Variants in ADGRE2 observed in about 807,000 individuals in gnomAD.
ADGRE2 encodes the protein CD97 antigen.
A neutral mutation model predicts 100.8 loss-of-function variants in ADGRE2; 83 were observed. The observed-to-expected ratio is 0.82, with a 90% CI of 0.69 to 0.99. ADGRE2 has a LOEUF of 0.99. Ranked by LOEUF, ADGRE2 falls within the 50% of genes least tolerant of loss-of-function variation. The pLI is 0.00. For synonymous variants in ADGRE2, 355 were observed against 413.0 expected, an observed-to-expected ratio of 0.86 and a Z score of 1.70; for missense variants, 814 against 1,035.7, an observed-to-expected ratio of 0.79 and a Z score of 2.94.
intron 1 of ADGRE2, among the ~76,000 whole-genome samples, chr19:14,777,542 C>T (rs1426771111): frequency 1.1e-4 from 16 of 152,038 alleles, no homozygotes; most frequent in Non-Finnish European, 1.9e-4. Flanking sequence ...ATGTGCACAA[C>T]GAGCAGGTTT....
chr19:14,765,246 C>A (rs2043911040), intron 10 of ADGRE2, 74 bp downstream of exon 10: 1 of 1,557,298 alleles, frequency 6.4e-7, no homozygotes, highest in African/African-American at 1.4e-5. Context: ...CCTCCCAGAC[C>A]CAAACTGCCC....
intron 5 of ADGRE2, among the ~76,000 whole-genome samples, chr19:14,767,984 A>T (rs1413927826): frequency 6.6e-6 from 1 of 151,980 alleles, no homozygotes; most frequent in Non-Finnish European, 1.5e-5. Flanking sequence ...CTCAGTGAGA[A>T]CCCTCTGGTT....
At chr19:14,768,626 G>A (rs2044079573) in intron 5 of ADGRE2, among the ~76,000 whole-genome samples, 1 of 152,108 alleles carries the variant, frequency 6.6e-6, no homozygotes, top group Non-Finnish European at 1.5e-5. Context: ...CTTGCCATTG[G>A]GTCCACACTA....
rs753358915 is a variant in ADGRE2, at chr19:14,752,524, C to T, written c.1593G>A (p.Glu531=). 4.3e-6 allele frequency: 7 copies of T among 1,613,844 alleles called. No individual in the cohort carries two copies. The African/African-American group carries it at 5.3e-5, about 12-fold the overall frequency. The change falls in exon 15 of 21, where the codon GAG becomes GAA. Residue 531 remains glutamate, a splice_region_variant and synonymous_variant. Coordinates refer to ENST00000315576, the MANE Select transcript of ADGRE2 (RefSeq NM_013447.4). ...AVLMAHYDVQ[E]EDPVLTVITY... The stretch of plus-strand genomic sequence containing the variant: ...TGATGACAGTCAGCACGGGATCCTC[C>T]TCCTGGGACCCGGAAAAGAAGAGTT...
downstream of ADGRE2, among the ~76,000 whole-genome samples, chr19:14,729,218 G>A (rs750156732): frequency 9.9e-5 from 15 of 152,156 alleles, no homozygotes; most frequent in Non-Finnish European, 1.9e-4. Flanking sequence ...TACAGTCAGG[G>A]TTTCTCAACT....
downstream of ADGRE2, among the ~76,000 whole-genome samples, chr19:14,730,101 G>A (rs2042658237): frequency 6.6e-6 from 1 of 152,142 alleles, no homozygotes; most frequent in African/African-American, 2.4e-5. Context: ...CACCCAGGCT[G>A]GAGTACAATG....
intron 20 of ADGRE2, among the ~76,000 whole-genome samples, chr19:14,740,103 T>TTA (rs1555780657): frequency 0.022 from 1,690 of 75,772 alleles, 24 homozygotes; most frequent in East Asian, 0.11. Context: ...AGACTCTGTC[T>TTA]AAAAAAAAAA....
At chr19:14,769,419 C>T (rs1470042853) in intron 5 of ADGRE2, among the ~76,000 whole-genome samples, 1 of 152,022 alleles carries the variant, frequency 6.6e-6, no homozygotes, top group Admixed American at 6.6e-5. Flanking sequence ...GGGAGTGGCC[C>T]CAGGTCTCCT....
chr19:14,728,644 C>A (rs2042648674), downstream of ADGRE2, among the ~76,000 whole-genome samples: 1 of 152,146 alleles, frequency 6.6e-6, no homozygotes, highest in South Asian at 2.1e-4. Context: ...CCTATGACGA[C>A]AATGGAAAGG....
At position 14,766,314 on chromosome 19, in the gene ADGRE2, G is replaced by T. The variant is rs1568616384; in HGVS notation, c.555C>A (p.Gly185=). ...CCGGGCGGCAGCGGCACTGATAGCT[G>T]CCCACGTTGTTGAGGCAGTGGGTGG... ...HSSTHCLNNV[G]SYQCRCRPGW... is the part of the protein sequence containing the mutation. Residue 185 remains glycine, a synonymous_variant, in exon 7 of 21, where the codon GGC becomes GGA. Transcript: ENST00000315576. The T allele has an allele frequency of 8.7e-6, 14 of 1,614,110 alleles. No homozygotes were observed. The highest frequency in any genetic ancestry group is 1.2e-5 in the Non-Finnish European group (14 of 1,180,016).
chr19:14,744,817 A>C (rs2043037489), intron 18 of ADGRE2, among the ~76,000 whole-genome samples: 1 of 151,948 alleles, frequency 6.6e-6, no homozygotes, highest in African/African-American at 2.4e-5. Flanking sequence ...AGAAGTGATG[A>C]GGAGCCTGAA....
chr19:14,772,255 T>C (rs2044237598), intron 5 of ADGRE2, 87 bp downstream of exon 5: 5 of 1,570,266 alleles, frequency 3.2e-6, no homozygotes, highest in Non-Finnish European at 4.4e-6. Context: ...TATACTTGGG[T>C]ACCTGCTCCC....
At chr19:14,754,561 T>G (rs1192345135) in intron 14 of ADGRE2, among the ~76,000 whole-genome samples, 3 of 152,048 alleles carry the variant, frequency 2.0e-5, no homozygotes, top group Non-Finnish European at 4.4e-5. Context: ...GTGAGGAAAT[T>G]TTTTTCCTTG....
In ADGRE2 at chr19:14,754,884, G is replaced by A. The variant is rs2043433191; in HGVS notation, c.1590+70C>T. 6 of 1,544,302 alleles carry A rather than the reference G, an allele frequency of 3.9e-6. No individual in the cohort carries two copies. In the East Asian group the frequency reaches 1.4e-4, roughly 35 times the overall value. Reference sequence around the variant, plus strand: ...AGATAATGCATATATTTTTTTAAAAGGCTGCTACGTCTCTGGGGATTTGTT... The same window carrying A: ...AGATAATGCATATATTTTTTTAAAAAGCTGCTACGTCTCTGGGGATTTGTT... On this transcript the variant is annotated intron_variant, in intron 14 of 20. Coordinates refer to ENST00000315576, the MANE Select transcript of ADGRE2 (RefSeq NM_013447.4).
intron 5 of ADGRE2, among the ~76,000 whole-genome samples, chr19:14,769,150 G>T (rs1015095757): frequency 6.6e-6 from 1 of 152,176 alleles, no homozygotes; most frequent in Non-Finnish European, 1.5e-5. Flanking sequence ...AGCACTTTGG[G>T]AGGCTGAGAC....
chr19:14,761,731 T>C (rs561681906), intron 11 of ADGRE2, among the ~76,000 whole-genome samples: 1 of 152,152 alleles, frequency 6.6e-6, no homozygotes, highest in South Asian at 2.1e-4. Flanking sequence ...CAACCACGTA[T>C]ACAGTAAGGA....
rs1284514083 is a variant in ADGRE2, at chr19:14,770,679, T to TCTTTTC, written c.355+1662_355+1663insGAAAAG. Among the ~76,000 whole-genome samples the TCTTTTC allele has an allele frequency of 1.2e-3, 139 of 120,258 alleles. 2 individuals are homozygous for TCTTTTC. The highest frequency in any genetic ancestry group is 5.2e-3 in the East Asian group (22 of 4,198). 78.9% of individuals were successfully genotyped at this position (120,258 alleles called of 152,430 possible). A position where few individuals can be genotyped will look rare whatever the true frequency, so the allele number is the denominator to read the frequency against. ...TTGTTTCTTTCTTTTCTTTTTTTTT[T>TCTTTTC]TTTTTTTTTTTTTTTTTTGAGACAA... On this transcript the variant is annotated intron_variant, in intron 5 of 20. Coordinates refer to ENST00000315576, the MANE Select transcript of ADGRE2 (RefSeq NM_013447.4).
At chr19:14,758,468 G>GT (rs1373080707) in intron 11 of ADGRE2, among the ~76,000 whole-genome samples, 5 of 152,292 alleles carry the variant, frequency 3.3e-5, no homozygotes, top group Admixed American at 3.3e-4. Flanking sequence ...CCACAATGAG[G>GT]TATCATCTCA....
Position 14,764,722 on chromosome 19 carries a change from G to A in ADGRE2, c.907-112C>T, listed in dbSNP as rs905405972. On this transcript the variant is annotated intron_variant, in intron 10 of 20. Transcript: ENST00000315576. ...CCTAGAGACTGTCTATCTGGGGGAT[G>A]AAGATGGCATTGGCGGCTGGGCGCG... 34 of 1,204,452 alleles carry A rather than the reference G, an allele frequency of 2.8e-5. No individual in the cohort carries two copies. In the African/African-American group the frequency reaches 4.9e-4, roughly 17 times the overall value. 74.6% of individuals were successfully genotyped at this position (1,204,452 alleles called of 1,614,324 possible). A position where few individuals can be genotyped will look rare whatever the true frequency, so the allele number is the denominator to read the frequency against.
Sources: allele counts gnomAD v4.1 joint callset (sites outside exome capture counted in the v4.1 genomes callset), GRCh38; gene constraint gnomAD v4.1.1; transcripts MANE v1.5; gene names NCBI Gene and HGNC (gene_info 2026-07-23, HGNC 2026-07-21).